The following IQGAP1 variants were observed in gnomAD, a reference collection of about 807,000 sequenced individuals.
IQGAP1 encodes IQ motif containing GTPase activating protein 1.
A neutral mutation model predicts 215.6 loss-of-function variants in IQGAP1; 66 were observed. The ratio of observed to expected loss-of-function variants is 0.31; its 90% CI spans 0.25 to 0.38. IQGAP1 has a LOEUF of 0.38. Among genes scored for constraint, IQGAP1 ranks in the 10% least tolerant of loss-of-function variants. IQGAP1 has a pLI of 1.00. For missense variants in IQGAP1, 1,712 were observed against 1,997.1 expected, an observed-to-expected ratio of 0.86 and a Z score of 2.72; for synonymous variants, 772 against 728.7, an observed-to-expected ratio of 1.06 and a Z score of -0.96.
chr15:90,430,302 A>ATTGATTTCATTCTTTCTTTTGTTCTCATT (rs1271514557), intron 4 of IQGAP1, among the ~76,000 whole-genome samples: 2 of 152,106 alleles, frequency 1.3e-5, no homozygotes, highest in Non-Finnish European at 2.9e-5. Context: ...GAATGGATTG[A>ATTGATTTCATTCTTTCTTTTGTTCTCATT]TTGATTTCAT....
In IQGAP1 at chr15:90,466,443, T is replaced by A; in HGVS notation, c.2035+7T>A. 1.2e-6 allele frequency: 2 copies of A among 1,613,948 alleles called. No individual in the cohort carries two copies. The highest frequency in any genetic ancestry group is 1.7e-6 in the Non-Finnish European group (2 of 1,179,868). On this transcript the variant is annotated splice_region_variant and intron_variant, in intron 17 of 37. Transcript: ENST00000268182. ...AAGAAAAAACTGGCAGTAGGTGAGT[T>A]CTGGGATAATACATATGTGCCCTGA...
intron 3 of IQGAP1, 21 bp downstream of exon 3, chr15:90,426,287 T>G: frequency 6.4e-7 from 1 of 1,572,726 alleles, no homozygotes; most frequent in African/African-American, 1.4e-5. Flanking sequence ...CCTTGCTTTG[T>G]GCTTAGATTT....
rs1192350519 is a variant in IQGAP1, at chr15:90,427,967, A to G, written c.313-1622A>G. On this transcript the variant is annotated intron_variant, in intron 3 of 37. Coordinates refer to ENST00000268182, the MANE Select transcript of IQGAP1 (RefSeq NM_003870.4). ...GTTTTATGTTTAAATTCAAGGGAAA[A>G]CAAGGAACGGTATAGGTACTCAGCC... is the stretch of plus-strand genomic sequence containing the variant. Among the ~76,000 whole-genome samples, 3 of 152,204 alleles carry G rather than the reference A, an allele frequency of 2.0e-5. No homozygotes were observed. The South Asian group carries it at 6.2e-4, about 32-fold the overall frequency.
intron 2 of IQGAP1, 125 bp from the exon 3 acceptor site, chr15:90,425,985 T>G: frequency 2.3e-6 from 2 of 853,480 alleles, no homozygotes; most frequent in Non-Finnish European, 3.4e-6. Flanking sequence ...TGGAACTGAT[T>G]GTAAAAGAGT....
At chr15:90,394,154 AAAAG>A (rs1470671538) in intron 2 of IQGAP1, among the ~76,000 whole-genome samples, 2 of 132,388 alleles carry the variant, frequency 1.5e-5, no homozygotes, top group Non-Finnish European at 3.4e-5. Context: ...AAAAAAAAAA[AAAAG>A]GCAGTGGAGA....
At chr15:90,429,460 G>A in intron 3 of IQGAP1, 129 bp from the exon 4 acceptor site, 1 of 613,670 alleles carries the variant, frequency 1.6e-6, no homozygotes, top group Non-Finnish European at 2.7e-6. Context: ...GTATTGGAAT[G>A]TGAGCATAAT....
chr15:90,474,098 G>A lies in IQGAP1; in HGVS notation c.2540G>A (p.Arg847Gln), dbSNP rs1314271863. ...NDIIKIQAFI[R>Q]ANKARDDYKT... ...ATTATCAAAATCCAGGCTTTTATTC[G>A]GGCAAACAAAGCTCGGGATGACTAC... is the stretch of plus-strand genomic sequence containing the variant. Residue 847 changes from arginine (R) to glutamine (Q), a missense_variant, in exon 22 of 38, where the codon CGG (arginine) becomes CAG (glutamine). By Grantham distance (43) the Arg-to-Gln change is conservative. Transcript: ENST00000268182. The A allele has an allele frequency of 6.2e-7, 1 of 1,612,912 alleles. No homozygotes were observed. The highest frequency in any genetic ancestry group is 1.7e-5 in the Admixed American group (1 of 59,818).
intron 9 of IQGAP1, among the ~76,000 whole-genome samples, chr15:90,447,096 A>G (rs906083450): frequency 1.4e-4 from 21 of 152,162 alleles, no homozygotes; most frequent in African/African-American, 4.6e-4. Flanking sequence ...TGAGGACAGG[A>G]TATTTGTTTT....
intron 19 of IQGAP1, 32 bp downstream of exon 19, chr15:90,473,042 C>A: frequency 1.3e-6 from 2 of 1,599,534 alleles, no homozygotes; most frequent in Non-Finnish European, 1.7e-6. Context: ...AGACAGCAAG[C>A]GGGCATCTAG....
intron 9 of IQGAP1, among the ~76,000 whole-genome samples, chr15:90,445,488 A>G (rs1295869664): frequency 6.6e-6 from 1 of 152,090 alleles, no homozygotes; most frequent in African/African-American, 2.4e-5. Context: ...GCTCATCCCT[A>G]TAAATTTGCA....
intron 9 of IQGAP1, among the ~76,000 whole-genome samples, chr15:90,444,292 T>A (rs1239582755): frequency 5.9e-4 from 88 of 150,184 alleles, no homozygotes; most frequent in African/African-American, 2.0e-3. Flanking sequence ...TATATATATT[T>A]TTTTTTTTCT....
intron 33 of IQGAP1, among the ~76,000 whole-genome samples, chr15:90,488,145 C>T (rs1373949402): frequency 6.6e-6 from 1 of 152,086 alleles, no homozygotes; most frequent in Non-Finnish European, 1.5e-5. Flanking sequence ...GGCATGTACC[C>T]AGGAGGCGGA....
chr15:90,469,895 C>G (rs1965882407), intron 18 of IQGAP1, among the ~76,000 whole-genome samples: 1 of 152,128 alleles, frequency 6.6e-6, no homozygotes, highest in African/African-American at 2.4e-5. Flanking sequence ...GGTGTATTAC[C>G]TGGCACGTGG....
chr15:90,398,077 G>C (rs901096761), intron 2 of IQGAP1, among the ~76,000 whole-genome samples: 1 of 151,296 alleles, frequency 6.6e-6, no homozygotes, highest in East Asian at 1.9e-4. Context: ...TGGAGACGGG[G>C]GTTTCACCAT....
Position 90,453,141 on chromosome 15 carries a change from A to T in IQGAP1, c.1336A>T (p.Thr446Ser). 6.2e-7 allele frequency: 1 copy of T among 1,609,318 alleles called. No individual in the cohort carries two copies. The change falls in exon 13 of 38, where the codon ACC becomes TCC. Residue 446 changes from threonine (T) to serine (S), a missense_variant. This residue lies in a region of IQGAP1 where 1,021 missense variants were observed against 1,074.2 expected (regional missense o/e 0.95). Coordinates refer to ENST00000268182, the MANE Select transcript of IQGAP1 (RefSeq NM_003870.4). The part of the protein sequence containing the change: ...LQRQSPEHNL[T>S]HPELSVAVEM... The stretch of plus-strand genomic sequence containing the variant: ...GTCCCTTTCTGTACAGCATAATCTC[A>T]CCCACCCAGAGCTCTCTGTCGCAGT...
At chr15:90,487,208 A>G (rs532768854) in intron 32 of IQGAP1, 119 bp downstream of exon 32, 6 of 967,292 alleles carry the variant, frequency 6.2e-6, no homozygotes, top group Non-Finnish European at 9.5e-6. Context: ...ACTTGTCATA[A>G]TCCCAGTCAC....
intron 4 of IQGAP1, among the ~76,000 whole-genome samples, chr15:90,431,818 CTCTT>C (rs1965307590): frequency 6.6e-6 from 1 of 152,176 alleles, no homozygotes; most frequent in Non-Finnish European, 1.5e-5. Flanking sequence ...CTTTTCTAAT[CTCTT>C]TATATGGTAC....
chr15:90,443,385 C>A lies in IQGAP1; in HGVS notation c.829-9C>A. The A allele has an allele frequency of 1.3e-6, 2 of 1,598,392 alleles. No homozygotes were observed. The highest frequency in any genetic ancestry group is 1.7e-6 in the Non-Finnish European group (2 of 1,166,704). ...AGCTAACTTAATTACGCTTTTTACT[C>A]ATCCTCAGACAGAAAACTCAGAGAG... On this transcript the variant is annotated splice_polypyrimidine_tract_variant and intron_variant, in intron 8 of 37. Coordinates refer to ENST00000268182, the MANE Select transcript of IQGAP1 (RefSeq NM_003870.4).
In IQGAP1 at chr15:90,489,059, G is replaced by A. The variant is rs560383112; in HGVS notation, c.4248+1477G>A. Among the ~76,000 whole-genome samples the A allele has an allele frequency of 5.9e-4, 90 of 152,110 alleles. No individual in the cohort carries two copies. The Middle Eastern group carries it at 0.014, about 23-fold the overall frequency. On this transcript the variant is annotated intron_variant, in intron 33 of 37. Coordinates refer to ENST00000268182, the MANE Select transcript of IQGAP1 (RefSeq NM_003870.4). The stretch of plus-strand genomic sequence containing the variant: ...TGTGTGATAAGGTCCAGTGGGGTGG[G>A]CAGATGGTTGGGTCCTGGCATTTTG...
Sources: allele counts gnomAD v4.1 joint callset (sites outside exome capture counted in the v4.1 genomes callset), GRCh38; gene constraint gnomAD v4.1.1; regional missense constraint gnomAD v4.1.1; transcripts MANE v1.5; gene names NCBI Gene and HGNC (gene_info 2026-07-23, HGNC 2026-07-21).